Variants in HROB observed in about 807,000 individuals in gnomAD.
The protein encoded by HROB is homologous recombination OB-fold protein.
In HROB, 44 loss-of-function variants were observed where a neutral mutation model predicts 61.0. The ratio of observed to expected loss-of-function variants is 0.72; its 90% CI spans 0.57 to 0.93. The LOEUF is 0.93. Among genes scored for constraint, HROB ranks in the 40% least tolerant of loss-of-function variants. The probability of loss-of-function intolerance (pLI) is 0.00; values close to 1 mark genes in which losing one functional copy is unlikely to be tolerated. For missense variants in HROB, 716 were observed against 796.2 expected, an observed-to-expected ratio of 0.90 and a Z score of 1.21; for synonymous variants, 301 against 310.4, an observed-to-expected ratio of 0.97 and a Z score of 0.32.
At chr17:44,143,235 G>A (rs2053510495) in intron 1 of HROB, among the ~76,000 whole-genome samples, 1 of 152,106 alleles carries the variant, frequency 6.6e-6, no homozygotes, top group Non-Finnish European at 1.5e-5. Context: ...ACCATGCCCA[G>A]CCTGTGGCTG....
At chr17:44,153,779 G>T (rs537256829) in intron 5 of HROB, among the ~76,000 whole-genome samples, 1 of 152,028 alleles carries the variant, frequency 6.6e-6, no homozygotes. Context: ...GTCAGGCGGG[G>T]TGGGTCACGC....
chr17:44,158,590 C>T (rs1346824202), intron 9 of HROB, among the ~76,000 whole-genome samples: 1 of 152,062 alleles, frequency 6.6e-6, no homozygotes, highest in Non-Finnish European at 1.5e-5. Flanking sequence ...TCAAGCAGTC[C>T]TCCCACCTCA....
At chr17:44,153,751 AAAAC>A (rs1433851841) in intron 5 of HROB, among the ~76,000 whole-genome samples, 2 of 152,050 alleles carry the variant, frequency 1.3e-5, no homozygotes, top group Admixed American at 6.6e-5. Context: ...ACTCAAGAAA[AAAAC>A]AAAAACCAAA....
In HROB at chr17:44,142,292, C is replaced by G. The variant is rs111830516; in HGVS notation, c.3+147C>G. On this transcript the variant is annotated intron_variant, in intron 1 of 9. Coordinates refer to ENST00000585683, the MANE Select transcript of HROB (RefSeq NM_001171251.3). ...GGCGGAGTCGGGAGACCTGGGCTGT[C>G]GTCAGGGCTTGTCATGGACGCGCCG... 4.2e-3 allele frequency: 4,601 copies of G among 1,089,746 alleles called. 136 individuals are homozygous for G. In the African/African-American group the frequency reaches 0.067, roughly 16 times the overall value. 67.5% of individuals were successfully genotyped at this position (1,089,746 alleles called of 1,614,324 possible). A position where few individuals can be genotyped will look rare whatever the true frequency, so the allele number is the denominator to read the frequency against.
Position 44,148,324 on chromosome 17 carries a change from T to G in HROB, c.521T>G (p.Leu174Arg). ...GAGTTGGAGGAGCCTGGCATGGAGC[T>G]GGAATGTGGAGTCAGCAGTGAGGCC... ...SMELEEPGME[L>R]ECGVSSEAIP... The change falls in exon 3 of 10, where the codon CTG (leucine) becomes CGG (arginine). Residue 174 changes from leucine to arginine, a missense_variant. Leu to Arg is a moderately radical substitution (Grantham distance 102, BLOSUM62 -2). Coordinates refer to ENST00000585683, the MANE Select transcript of HROB (RefSeq NM_001171251.3). The G allele has an allele frequency of 6.2e-7, 1 of 1,614,082 alleles. No individual in the cohort carries two copies. The highest frequency in any genetic ancestry group is 1.1e-5 in the South Asian group (1 of 91,080).
At chr17:44,149,386 C>T (rs747620137) in intron 3 of HROB, among the ~76,000 whole-genome samples, 63 of 152,080 alleles carry the variant, frequency 4.1e-4, no homozygotes, top group Admixed American at 8.5e-4. Context: ...GTAGCTGGGA[C>T]TACAGGCCCC....
rs780457233 is a variant in HROB at position 44,162,056 on chromosome 17, G to C, written c.*124G>C. ...TGGACACAGCCGGGGGGCTTCTGTG[G>C]TTGCTCCCACCCTGGGTGTTTTCCC... is the stretch of plus-strand genomic sequence containing the variant. On this transcript the variant is annotated 3_prime_UTR_variant, in exon 10 of 10. Transcript: ENST00000585683. 8.9e-7 allele frequency: 1 copy of C among 1,118,128 alleles called. No individual in the cohort carries two copies. Among genetic ancestry groups the C allele is most frequent in the South Asian group, 1.4e-5 (1 of 69,900 alleles). The allele number at this position is 1,118,128 out of a possible 1,614,324, so 69.3% of individuals were successfully genotyped here.
intron 8 of HROB, among the ~76,000 whole-genome samples, chr17:44,157,405 C>CTTTTTTTTTT (rs71160088): frequency 4.9e-5 from 4 of 81,476 alleles, no homozygotes; most frequent in Non-Finnish European, 9.2e-5. Flanking sequence ...CATCATGTTT[C>CTTTTTTTTTT]TTTTTTTTTT....
At chr17:44,155,471 G>A in intron 8 of HROB, 60 bp downstream of exon 8, 2 of 1,596,776 alleles carry the variant, frequency 1.3e-6, no homozygotes, top group Non-Finnish European at 1.7e-6. Context: ...TGGATCTTCT[G>A]ATTTCTTCCT....
Position 44,141,956 on chromosome 17 carries a change from A to T in HROB, c.-187A>T. The T allele has an allele frequency of 1.3e-6, 1 of 755,894 alleles. No homozygotes were observed. The highest frequency in any genetic ancestry group is 3.3e-5 in the East Asian group (1 of 30,258). The allele number at this position is 755,894 out of a possible 1,614,324, so 46.8% of individuals were successfully genotyped here. A position where few individuals can be genotyped will look rare whatever the true frequency, so the allele number is the denominator to read the frequency against. On this transcript the variant is annotated 5_prime_UTR_variant, in exon 1 of 10. It introduces an in-frame stop codon into an upstream open reading frame of the 5' UTR. Transcript: ENST00000585683. The stretch of plus-strand genomic sequence containing the variant: ...GTGGCGGCGTCTTCGAATGCGGCCT[A>T]AGGCGCCTGCCGCCAGTCTCCTGGC...
intron 9 of HROB, among the ~76,000 whole-genome samples, chr17:44,159,900 T>C (rs761314699): frequency 2.6e-5 from 4 of 152,180 alleles, no homozygotes; most frequent in Non-Finnish European, 4.4e-5. Context: ...CAGGGAGACG[T>C]TGAAGCCTCC....
At chr17:44,150,248 T>C (rs1301167936) in intron 3 of HROB, among the ~76,000 whole-genome samples, 2 of 152,164 alleles carry the variant, frequency 1.3e-5, no homozygotes, top group Non-Finnish European at 2.9e-5. Flanking sequence ...GCCTGTTACT[T>C]GCTCTTCCCT....
intron 5 of HROB, among the ~76,000 whole-genome samples, 172 bp downstream of exon 5, chr17:44,152,949 T>C: frequency 6.6e-6 from 1 of 152,146 alleles, no homozygotes; most frequent in Non-Finnish European, 1.5e-5. Context: ...TTCACTGTCA[T>C]CCATAGGATT....
chr17:44,152,452 A>G (rs1038792054), intron 4 of HROB, among the ~76,000 whole-genome samples, 185 bp from the exon 5 acceptor site: 1 of 152,120 alleles, frequency 6.6e-6, no homozygotes, highest in Non-Finnish European at 1.5e-5. Flanking sequence ...AAAAGAGAAA[A>G]AAAAGATGTC....
intron 1 of HROB, 104 bp from the exon 2 acceptor site, chr17:44,145,097 AAC>A: frequency 7.8e-7 from 1 of 1,278,984 alleles, no homozygotes; most frequent in Non-Finnish European, 1.1e-6. Context: ...ACAAACAAAA[AAC>A]AATATACCTG....
intron 2 of HROB, among the ~76,000 whole-genome samples, chr17:44,147,266 G>A (rs73314460): frequency 0.019 from 2,894 of 152,008 alleles, 91 homozygotes; most frequent in African/African-American, 0.067. Context: ...TCCTCTAACT[G>A]CCCCTCTCCC....
intron 2 of HROB, among the ~76,000 whole-genome samples, chr17:44,145,589 A>T (rs1217356285): frequency 1.3e-5 from 2 of 152,228 alleles, no homozygotes; most frequent in Non-Finnish European, 2.9e-5. Context: ...CATGTAAGAG[A>T]TAGCATAGTT....
intron 1 of HROB, among the ~76,000 whole-genome samples, chr17:44,143,740 C>A (rs1266073987): frequency 2.0e-5 from 3 of 152,042 alleles, no homozygotes. Flanking sequence ...TCACTTGAGC[C>A]TAGGAGATTG....
rs1277034049 is a variant in HROB, at chr17:44,149,361, G to A, written c.1224+334G>A. Among the ~76,000 whole-genome samples the A allele has an allele frequency of 2.6e-5, 4 of 151,764 alleles. No individual in the cohort carries two copies. In the South Asian group the frequency reaches 6.2e-4, roughly 24 times the overall value. On this transcript the variant is annotated intron_variant, in intron 3 of 9. Transcript: ENST00000585683. The stretch of plus-strand genomic sequence containing the variant: ...CCTCCTGGGTTTAAGCGATTCTCCT[G>A]CCTCAGCCTCTTGAGTAGCTGGGAC...
Sources: allele counts gnomAD v4.1 joint callset (sites outside exome capture counted in the v4.1 genomes callset), GRCh38; gene constraint gnomAD v4.1.1; transcripts MANE v1.5; gene names NCBI Gene and HGNC (gene_info 2026-07-23, HGNC 2026-07-21).